The following HS3ST4 variants were observed in gnomAD, a reference collection of about 807,000 sequenced individuals.
HS3ST4 encodes heparan sulfate-glucosamine 3-sulfotransferase 4.
In HS3ST4, 17 loss-of-function variants were observed where a neutral mutation model predicts 29.2. The ratio of observed to expected loss-of-function variants is 0.58; its 90% CI spans 0.40 to 0.87. HS3ST4 has a LOEUF of 0.87. Among genes scored for constraint, HS3ST4 ranks in the 40% least tolerant of loss-of-function variants. The probability of loss-of-function intolerance (pLI) is 0.00; values close to 1 mark genes in which losing one functional copy is unlikely to be tolerated. For synonymous variants in HS3ST4, 314 were observed against 285.7 expected (o/e 1.10, Z -1.00); for missense variants, 627 against 634.5 (o/e 0.99, Z 0.13).
chr16:25,873,632 CCATT>C (rs1370439911), intron 1 of HS3ST4, among the ~76,000 whole-genome samples: 16 of 147,462 alleles, frequency 1.1e-4, no homozygotes, highest in East Asian at 4.1e-4. Context: ...ACCCACCCAT[CCATT>C]CATCCATCCA....
rs1006505917 is a variant in HS3ST4, at chr16:26,094,514, A to G, written c.735-41098A>G. 1.3e-4 allele frequency among the ~76,000 whole-genome samples: 20 copies of G among 152,320 alleles called. 1 individual carries two copies. The highest frequency in any genetic ancestry group is 4.6e-4 in the African/African-American group (19 of 41,568). On this transcript the variant is annotated intron_variant, in intron 1 of 1. Coordinates refer to ENST00000331351, the MANE Select transcript of HS3ST4 (RefSeq NM_006040.3). ...CCAGAATTTCATATCCAACCAAACT[A>G]AGCTTCATAAGTGAAGGAGAAATAG...
chr16:25,765,409 C>T (rs148352998), intron 1 of HS3ST4, among the ~76,000 whole-genome samples: 64 of 152,276 alleles, frequency 4.2e-4, no homozygotes, highest in African/African-American at 1.5e-3. Flanking sequence ...CCCGAATGCT[C>T]CTGAATCAAG....
intron 1 of HS3ST4, among the ~76,000 whole-genome samples, chr16:25,723,287 A>G (rs1966509546): frequency 6.6e-6 from 1 of 152,242 alleles, no homozygotes; most frequent in African/African-American, 2.4e-5. Flanking sequence ...GTCAGTTATC[A>G]ATATAAATAT....
At chr16:25,835,015 A>G (rs1967343565) in intron 1 of HS3ST4, among the ~76,000 whole-genome samples, 1 of 152,142 alleles carries the variant, frequency 6.6e-6, no homozygotes, top group Non-Finnish European at 1.5e-5. Context: ...AAAAAACCCA[A>G]AAGAAATTAG....
intron 1 of HS3ST4, among the ~76,000 whole-genome samples, chr16:25,898,194 C>G (rs774263992): frequency 6.6e-6 from 1 of 152,238 alleles, no homozygotes. Context: ...CCTCTTGACT[C>G]ACCACCTGTG....
chr16:25,802,649 T>C (rs1966950236), intron 1 of HS3ST4, among the ~76,000 whole-genome samples: 1 of 152,166 alleles, frequency 6.6e-6, no homozygotes, highest in African/African-American at 2.4e-5. Context: ...TATTTAATAA[T>C]ATTACATTTG....
chr16:25,853,194 A>C (rs1415177337), intron 1 of HS3ST4, among the ~76,000 whole-genome samples: 20 of 152,216 alleles, frequency 1.3e-4, no homozygotes, highest in Admixed American at 8.5e-4. Flanking sequence ...AGAGTTGTTC[A>C]TGTAAAGAAA....
intron 1 of HS3ST4, among the ~76,000 whole-genome samples, chr16:26,101,352 C>T (rs1488254056): frequency 1.3e-5 from 2 of 152,198 alleles, no homozygotes; most frequent in Admixed American, 6.5e-5. Flanking sequence ...TCCATGTCTA[C>T]TCCCTTGCTA....
At chr16:26,071,232 T>A (rs1400377597) in intron 1 of HS3ST4, among the ~76,000 whole-genome samples, 1 of 152,086 alleles carries the variant, frequency 6.6e-6, no homozygotes, top group Non-Finnish European at 1.5e-5. Flanking sequence ...GAACCCACTA[T>A]GAAAACATCC....
intron 1 of HS3ST4, among the ~76,000 whole-genome samples, chr16:25,754,133 C>G (rs1388127973): frequency 6.6e-6 from 1 of 152,144 alleles, no homozygotes; most frequent in Non-Finnish European, 1.5e-5. Context: ...AAGTGCCGGT[C>G]TTATAAAGAG....
At chr16:26,061,584 G>A (rs1898476658) in intron 1 of HS3ST4, among the ~76,000 whole-genome samples, 1 of 152,232 alleles carries the variant, frequency 6.6e-6, no homozygotes, top group African/African-American at 2.4e-5. Flanking sequence ...CAGAATTAAT[G>A]TAGGACTTTT....
intron 1 of HS3ST4, among the ~76,000 whole-genome samples, chr16:25,734,567 G>C (rs1421622902): frequency 6.6e-6 from 1 of 152,158 alleles, no homozygotes; most frequent in Non-Finnish European, 1.5e-5. Flanking sequence ...GCTGGGGTAT[G>C]ATGGAGCTCA....
intron 1 of HS3ST4, among the ~76,000 whole-genome samples, chr16:25,815,630 T>C (rs1003574792): frequency 6.6e-6 from 1 of 152,150 alleles, no homozygotes; most frequent in African/African-American, 2.4e-5. Flanking sequence ...GCCATAAGTA[T>C]TATATTTTTA....
At position 25,743,427 on chromosome 16, in the gene HS3ST4, A is replaced by T. The variant is rs114931580; in HGVS notation, c.734+50276A>T. On this transcript the variant is annotated intron_variant, in intron 1 of 1. Coordinates refer to ENST00000331351, the MANE Select transcript of HS3ST4 (RefSeq NM_006040.3). ...AGGTATTTATTTTGGGAACAAGTTGAGGTGTAAGTCAATTAATCAATCGGC... is the reference window on the plus strand; with the variant it reads ...AGGTATTTATTTTGGGAACAAGTTGTGGTGTAAGTCAATTAATCAATCGGC... Among the ~76,000 whole-genome samples, 1,075 of 152,312 alleles carry T rather than the reference A, an allele frequency of 7.1e-3. 12 individuals carry two copies. The highest frequency in any genetic ancestry group is 0.024 in the African/African-American group (1,004 of 41,560).
chr16:25,898,133 A>T (rs7193007), intron 1 of HS3ST4, among the ~76,000 whole-genome samples: 1 of 152,120 alleles, frequency 6.6e-6, no homozygotes, highest in Admixed American at 6.5e-5. Flanking sequence ...TTTCTTGCTC[A>T]ATGTCTTCTC....
chr16:25,704,754 C>T lies in HS3ST4; in HGVS notation c.734+11603C>T, dbSNP rs527748970. On this transcript the variant is annotated intron_variant, in intron 1 of 1. Coordinates refer to ENST00000331351, the MANE Select transcript of HS3ST4 (RefSeq NM_006040.3). ...ATTAGCCAAGCGTGGTGACAGGCAC[C>T]TGTAATCCCAGCTACTGGGGAGGCT... Among the ~76,000 whole-genome samples the T allele has an allele frequency of 1.3e-4, 20 of 152,114 alleles. No individual in the cohort carries two copies. In the East Asian group the frequency reaches 3.5e-3, roughly 27 times the overall value.
At chr16:25,817,611 G>A (rs1967107123) in intron 1 of HS3ST4, among the ~76,000 whole-genome samples, 1 of 152,176 alleles carries the variant, frequency 6.6e-6, no homozygotes, top group African/African-American at 2.4e-5. Flanking sequence ...AAAGTATAAC[G>A]TGGCAGTTAA....
intron 1 of HS3ST4, among the ~76,000 whole-genome samples, chr16:25,834,013 G>T (rs1173537074): frequency 6.6e-6 from 1 of 151,792 alleles, no homozygotes. Context: ...AGATTAATTG[G>T]CAAATTTGAA....
chr16:25,730,761 T>C (rs1012239518), intron 1 of HS3ST4, among the ~76,000 whole-genome samples: 9 of 151,246 alleles, frequency 6.0e-5, no homozygotes, highest in Admixed American at 5.3e-4. Context: ...CTTTTTCCTC[T>C]TTTCCTCCGT....
Sources: gnomAD v4.1 joint callset for allele counts (sites outside exome capture counted in the v4.1 genomes callset) on GRCh38, gnomAD v4.1.1 for gene constraint, MANE v1.5 for transcripts, NCBI Gene and HGNC (gene_info 2026-07-23, HGNC 2026-07-21) for gene names.